Variants in RGS6 observed in about 807,000 individuals in gnomAD.
RGS6 encodes the protein regulator of G protein signaling 6.
RGS6 carries 30 observed loss-of-function variants against 78.5 expected under a neutral mutation model. The ratio of observed to expected loss-of-function variants is 0.38; its 90% CI spans 0.29 to 0.52. RGS6 has a LOEUF of 0.52. Among genes scored for constraint, RGS6 ranks in the 20% least tolerant of loss-of-function variants. The pLI, the probability that RGS6 is intolerant of heterozygous loss-of-function variation, is 0.85. For missense variants in RGS6, 495 were observed against 609.7 expected, an observed-to-expected ratio of 0.81 and a Z score of 1.98; for synonymous variants, 206 against 206.0, an observed-to-expected ratio of 1.00 and a Z score of 0.00.
intron 2 of RGS6, among the ~76,000 whole-genome samples, chr14:71,967,434 A>G (rs1351972015): frequency 6.6e-6 from 1 of 152,162 alleles, no homozygotes; most frequent in Non-Finnish European, 1.5e-5. Context: ...ACAACCAAGA[A>G]CTTACTTGCT....
At chr14:72,510,032 T>C in intron 13 of RGS6, 122 bp from the exon 14 acceptor site, 1 of 1,158,900 alleles carries the variant, frequency 8.6e-7, no homozygotes, top group South Asian at 1.7e-5. Flanking sequence ...ATCTGCCCCT[T>C]AAATATGAGA....
intron 2 of RGS6, among the ~76,000 whole-genome samples, chr14:72,329,734 CTG>C (rs1484524741): frequency 1.3e-5 from 2 of 152,190 alleles, no homozygotes; most frequent in Non-Finnish European, 2.9e-5. Flanking sequence ...GGTGGAGCAG[CTG>C]TGTGACAGAT....
chr14:72,298,662 A>T (rs936453861), intron 2 of RGS6, among the ~76,000 whole-genome samples: 4 of 151,674 alleles, frequency 2.6e-5, no homozygotes, highest in African/African-American at 9.7e-5. Flanking sequence ...GTTAGCCAGG[A>T]TGGTCTCCAT....
chr14:72,260,745 G>A (rs988731570), intron 2 of RGS6, among the ~76,000 whole-genome samples: 7 of 152,192 alleles, frequency 4.6e-5, no homozygotes, highest in Admixed American at 6.5e-5. Flanking sequence ...GGAGCACAGC[G>A]ATGATTTTAG....
chr14:72,019,444 T>C (rs1464326874), intron 2 of RGS6, among the ~76,000 whole-genome samples: 4 of 152,142 alleles, frequency 2.6e-5, no homozygotes, highest in Non-Finnish European at 4.4e-5. Context: ...AAATCAGAAA[T>C]TAGCAGTTCA....
chr14:72,276,085 C>G (rs948548468), intron 2 of RGS6, among the ~76,000 whole-genome samples: 2 of 152,162 alleles, frequency 1.3e-5, no homozygotes, highest in Admixed American at 6.5e-5. Context: ...GGGTACATGT[C>G]TGCCCATAAA....
At chr14:72,095,669 A>G (rs1210749516) in intron 2 of RGS6, among the ~76,000 whole-genome samples, 1 of 152,212 alleles carries the variant, frequency 6.6e-6, no homozygotes, top group East Asian at 1.9e-4. Context: ...ACAGAGAGGG[A>G]ACGTATGTGG....
chr14:71,954,245 T>A lies in RGS6; in HGVS notation c.-20-10527T>A, dbSNP rs368103996. On this transcript the variant is annotated intron_variant, in intron 1 of 17. Transcript: ENST00000553525. ...AATTTTGGAAAGTTCTCCGTCATTA[T>A]TCCTTCTAATATTTCTTCTCCTTTC... Among the ~76,000 whole-genome samples the A allele has an allele frequency of 2.3e-4, 35 of 151,968 alleles. 1 individual carries two copies. Among genetic ancestry groups the A allele is most frequent in the African/African-American group, 8.2e-4 (34 of 41,536 alleles).
the RGS6 span, among the ~76,000 whole-genome samples, chr14:71,885,154 C>T: frequency 1.3e-5 from 2 of 152,162 alleles, no homozygotes; most frequent in African/African-American, 4.8e-5. Context: ...AACCCACCTA[C>T]AGAAAGAGAC....
chr14:72,145,924 G>A (rs1338292586), intron 2 of RGS6, among the ~76,000 whole-genome samples: 2 of 152,220 alleles, frequency 1.3e-5, no homozygotes, highest in African/African-American at 4.8e-5. Context: ...AAAGGATTAA[G>A]AACAATTAAT....
chr14:72,435,090 A>G (rs1286251244), intron 3 of RGS6, among the ~76,000 whole-genome samples: 1 of 152,178 alleles, frequency 6.6e-6, no homozygotes, highest in Non-Finnish European at 1.5e-5. Flanking sequence ...CGCATTTGTG[A>G]TCAGTATCTT....
intron 10 of RGS6, among the ~76,000 whole-genome samples, chr14:72,475,203 T>G (rs1441346791): frequency 6.8e-6 from 1 of 146,712 alleles, no homozygotes; most frequent in Non-Finnish European, 1.5e-5. Flanking sequence ...TTTATGGTTT[T>G]TTTTTTTTTT....
At chr14:72,037,152 A>C (rs1404233294) in intron 2 of RGS6, among the ~76,000 whole-genome samples, 1 of 152,166 alleles carries the variant, frequency 6.6e-6, no homozygotes, top group Non-Finnish European at 1.5e-5. Context: ...TAGCTAAAGG[A>C]TTGTAAATGC....
intron 2 of RGS6, among the ~76,000 whole-genome samples, chr14:71,997,058 G>C (rs2095233531): frequency 6.7e-6 from 1 of 150,240 alleles, no homozygotes; most frequent in Non-Finnish European, 1.5e-5. Context: ...GAGGCCATTC[G>C]ATGGCTATTG....
chr14:72,112,465 A>C (rs536422793), intron 2 of RGS6, among the ~76,000 whole-genome samples: 1 of 152,300 alleles, frequency 6.6e-6, no homozygotes, highest in African/African-American at 2.4e-5. Flanking sequence ...CTCATTCATC[A>C]GTCTCCAAAG....
intron 2 of RGS6, among the ~76,000 whole-genome samples, chr14:72,240,899 C>T (rs2052607726): frequency 6.6e-6 from 1 of 152,152 alleles, no homozygotes; most frequent in Non-Finnish European, 1.5e-5. Context: ...TGGCTCACCC[C>T]TGTAATCCCA....
At chr14:72,295,804 A>G (rs1164571510) in intron 2 of RGS6, among the ~76,000 whole-genome samples, 1 of 152,262 alleles carries the variant, frequency 6.6e-6, no homozygotes, top group East Asian at 1.9e-4. Context: ...GTTTGTTACC[A>G]TGTGAATGAA....
At chr14:72,256,370 A>G (rs1422519223) in intron 2 of RGS6, among the ~76,000 whole-genome samples, 1 of 152,210 alleles carries the variant, frequency 6.6e-6, no homozygotes, top group Non-Finnish European at 1.5e-5. Context: ...AGTCTGAAAA[A>G]TATCTCAAAG....
intron 2 of RGS6, among the ~76,000 whole-genome samples, chr14:72,113,479 T>C (rs2095818129): frequency 6.6e-6 from 1 of 152,240 alleles, no homozygotes; most frequent in African/African-American, 2.4e-5. Context: ...TACATCCTGC[T>C]TCAACTGGAG....
Sources: allele counts gnomAD v4.1 joint callset (sites outside exome capture counted in the v4.1 genomes callset), GRCh38; gene constraint gnomAD v4.1.1; transcripts MANE v1.5; gene names NCBI Gene and HGNC (gene_info 2026-07-23, HGNC 2026-07-21).